The following SLC9A9 variants were observed in gnomAD, a reference collection of about 807,000 sequenced individuals.
The protein encoded by SLC9A9 is sodium/hydrogen exchanger 9.
SLC9A9 carries 62 observed loss-of-function variants against 77.8 expected under a neutral mutation model. The ratio of observed to expected loss-of-function variants is 0.80; its 90% CI spans 0.65 to 0.98. The LOEUF is 0.98. SLC9A9 is among the 50% of genes least tolerant of loss of function. SLC9A9 has a pLI of 0.00. For synonymous variants in SLC9A9, 320 were observed against 283.5 expected, an observed-to-expected ratio of 1.13 and a Z score of -1.29; for missense variants, 775 against 774.9, an observed-to-expected ratio of 1.00 and a Z score of 0.00.
chr3:143,304,127 T>A (rs932211830), intron 14 of SLC9A9, among the ~76,000 whole-genome samples: 2 of 152,194 alleles, frequency 1.3e-5, no homozygotes, highest in Non-Finnish European at 2.9e-5. Context: ...TCAAATTGTA[T>A]CCATTGTTTT....
intron 14 of SLC9A9, chr3:143,342,365 A>C (rs2032126421): frequency 6.6e-6 from 1 of 152,190 alleles, no homozygotes; most frequent in Non-Finnish European, 1.5e-5. Flanking sequence ...TTGTATTTTT[A>C]GTAGAGACAG....
chr3:143,523,240 A>G (rs1173818514), intron 9 of SLC9A9, among the ~76,000 whole-genome samples: 1 of 151,216 alleles, frequency 6.6e-6, no homozygotes, highest in African/African-American at 2.5e-5. Context: ...TTATTTTTAC[A>G]AAACAATGCT....
chr3:143,267,210 A>G (rs1335143602), intron 15 of SLC9A9, among the ~76,000 whole-genome samples: 1 of 152,086 alleles, frequency 6.6e-6, no homozygotes, highest in African/African-American at 2.4e-5. Flanking sequence ...GGATGTTTCC[A>G]CCACTGGTAT....
chr3:143,308,315 G>A (rs10935486), intron 14 of SLC9A9, among the ~76,000 whole-genome samples: 38,593 of 152,068 alleles, frequency 0.25, 5,053 homozygotes, highest in Admixed American at 0.3. Context: ...GGTGGCTCAC[G>A]CCTGTAATCC....
chr3:143,609,674 A>G (rs1362084032), intron 6 of SLC9A9, among the ~76,000 whole-genome samples: 1 of 152,168 alleles, frequency 6.6e-6, no homozygotes, highest in African/African-American at 2.4e-5. Flanking sequence ...AGATTAGCAA[A>G]GTTACACCCT....
intron 2 of SLC9A9, among the ~76,000 whole-genome samples, chr3:143,803,039 A>G (rs770038937): frequency 5.3e-5 from 8 of 152,098 alleles, no homozygotes; most frequent in Non-Finnish European, 1.0e-4. Flanking sequence ...TAGCTGGACA[A>G]TCAGTTCTTG....
At chr3:143,486,148 T>C (rs1013351155) in intron 11 of SLC9A9, among the ~76,000 whole-genome samples, 9 of 151,788 alleles carry the variant, frequency 5.9e-5, no homozygotes, top group East Asian at 1.9e-4. Flanking sequence ...AAGAAAAAAA[T>C]AAAAAACAAA....
chr3:143,293,089 C>T (rs752912456), intron 14 of SLC9A9, among the ~76,000 whole-genome samples: 2 of 152,174 alleles, frequency 1.3e-5, no homozygotes, highest in Non-Finnish European at 2.9e-5. Context: ...TTTAAGGTTA[C>T]GCATTATATG....
chr3:143,769,952 A>T (rs1425849465), intron 4 of SLC9A9, among the ~76,000 whole-genome samples: 1 of 152,216 alleles, frequency 6.6e-6, no homozygotes, highest in Non-Finnish European at 1.5e-5. Context: ...TCTGAATGCA[A>T]TAAGTATGAG....
chr3:143,771,942 G>C (rs1189029751), intron 4 of SLC9A9, among the ~76,000 whole-genome samples: 1 of 152,136 alleles, frequency 6.6e-6, no homozygotes, highest in Non-Finnish European at 1.5e-5. Context: ...GACAGAGGAG[G>C]AAATGCTCAG....
At chr3:143,808,952 CTCCTAAAGGTTA>C (rs2008794431) in intron 2 of SLC9A9, among the ~76,000 whole-genome samples, 1 of 152,156 alleles carries the variant, frequency 6.6e-6, no homozygotes, top group African/African-American at 2.4e-5. Flanking sequence ...TTGTCAGAAA[CTCCTAAAGGTTA>C]CACAACTGTG....
chr3:143,827,091 T>A (rs908393315), intron 2 of SLC9A9, among the ~76,000 whole-genome samples: 8 of 152,244 alleles, frequency 5.3e-5, no homozygotes, highest in Non-Finnish European at 1.2e-4. Flanking sequence ...TTTTATCATC[T>A]TCTCTTCAAA....
At chr3:143,493,924 A>G (rs1273732935) in intron 10 of SLC9A9, among the ~76,000 whole-genome samples, 160 bp from the exon 11 acceptor site, 1 of 152,230 alleles carries the variant, frequency 6.6e-6, no homozygotes, top group African/African-American at 2.4e-5. Context: ...TCCAAAATTT[A>G]TATTTCAAAG....
intron 14 of SLC9A9, among the ~76,000 whole-genome samples, chr3:143,340,655 C>A (rs16853457): frequency 0.11 from 16,905 of 152,162 alleles, 1,062 homozygotes; most frequent in East Asian, 0.17. Flanking sequence ...GCATTAACTC[C>A]TTATCCTATC....
At chr3:143,723,937 G>T (rs1406567804) in intron 4 of SLC9A9, among the ~76,000 whole-genome samples, 3 of 152,184 alleles carry the variant, frequency 2.0e-5, no homozygotes, top group African/African-American at 7.2e-5. Context: ...GAGACGCTTT[G>T]CCTATTGAAG....
intron 8 of SLC9A9, among the ~76,000 whole-genome samples, chr3:143,568,139 G>A (rs116317935): frequency 6.0e-4 from 91 of 152,236 alleles, no homozygotes; most frequent in African/African-American, 2.1e-3. Flanking sequence ...CTGCTCCAGG[G>A]ATCTGGTGGC....
chr3:143,280,397 A>G (rs372994956), intron 14 of SLC9A9, among the ~76,000 whole-genome samples: 3 of 152,154 alleles, frequency 2.0e-5, no homozygotes, highest in African/African-American at 7.2e-5. Context: ...TCAGAAACTT[A>G]TTTTCTTTGA....
At chr3:143,310,941 A>G (rs2030996229) in intron 14 of SLC9A9, among the ~76,000 whole-genome samples, 2 of 152,334 alleles carry the variant, frequency 1.3e-5, no homozygotes, top group Non-Finnish European at 2.9e-5. Flanking sequence ...AGGATGTCTG[A>G]AGTCCTCAGG....
chr3:143,707,232 G>A (rs1258266323), intron 4 of SLC9A9, among the ~76,000 whole-genome samples: 2 of 152,006 alleles, frequency 1.3e-5, no homozygotes, highest in Non-Finnish European at 2.9e-5. Flanking sequence ...TCATTGGATG[G>A]GACTTCCAGT....
Sources: gnomAD v4.1 joint callset for allele counts (sites outside exome capture counted in the v4.1 genomes callset) on GRCh38, gnomAD v4.1.1 for gene constraint, MANE v1.5 for transcripts, NCBI Gene and HGNC (gene_info 2026-07-23, HGNC 2026-07-21) for gene names.